The following ACYP2 variants were observed in gnomAD, a reference collection of about 807,000 sequenced individuals.
ACYP2 encodes acylphosphatase-2.
ACYP2 carries 12 observed loss-of-function variants against 11.2 expected under a neutral mutation model. The ratio of observed to expected loss-of-function variants is 1.08; its 90% CI spans 0.69 to 1.74. ACYP2 has a LOEUF of 1.74. Among genes scored for constraint, ACYP2 ranks in the 40% most tolerant of loss-of-function variants. The pLI is 0.00. For missense variants in ACYP2, 134 were observed against 101.9 expected, an observed-to-expected ratio of 1.31 and a Z score of -1.35; for synonymous variants, 43 against 32.2, an observed-to-expected ratio of 1.33 and a Z score of -1.13.
chr2:54,300,736 A>T (rs968767309), intron 6 of ACYP2, among the ~76,000 whole-genome samples: 1 of 152,244 alleles, frequency 6.6e-6, no homozygotes, highest in Non-Finnish European at 1.5e-5. Context: ...GTATGTTTGT[A>T]AGACAAGGAC....
chr2:54,203,738 C>T (rs1010697305), intron 6 of ACYP2, among the ~76,000 whole-genome samples: 2 of 151,362 alleles, frequency 1.3e-5, no homozygotes, highest in African/African-American at 4.8e-5. Flanking sequence ...CCTTTTTCTA[C>T]TAATATGGTA....
At chr2:54,004,653 G>A (rs1382905000) in intron 2 of ACYP2, among the ~76,000 whole-genome samples, 2 of 151,556 alleles carry the variant, frequency 1.3e-5, no homozygotes, top group African/African-American at 2.4e-5. Flanking sequence ...CTTGTGATCG[G>A]CCCGCCTTGG....
intron 2 of ACYP2, among the ~76,000 whole-genome samples, chr2:54,006,181 C>T (rs1673053585): frequency 6.6e-6 from 1 of 152,094 alleles, no homozygotes; most frequent in African/African-American, 2.4e-5. Flanking sequence ...AAGTCTCACT[C>T]TTGTCCCCCA....
chr2:54,127,346 C>T (rs1298505657), intron 4 of ACYP2, among the ~76,000 whole-genome samples: 3 of 152,072 alleles, frequency 2.0e-5, no homozygotes, highest in Admixed American at 6.5e-5. Context: ...ACAACAACAC[C>T]GTTATATGTC....
intron 4 of ACYP2, among the ~76,000 whole-genome samples, chr2:54,111,336 G>A (rs1363258405): frequency 2.6e-5 from 4 of 152,098 alleles, no homozygotes; most frequent in African/African-American, 9.7e-5. Flanking sequence ...CCCATTTTCA[G>A]CTAGGTAGGG....
rs201538398 is a variant in ACYP2 at position 54,120,161 on chromosome 2, CT to C, written c.278-15284del. ...CTGGTTTCTCCACTCTAAAGTTACT[CT>C]TTTTTTTCTCTCTCTCTTTTCATCC... On this transcript the variant is annotated intron_variant, in intron 4 of 6. Transcript: ENST00000607452. Among the ~76,000 whole-genome samples, 36 of 152,192 alleles carry C rather than the reference CT, an allele frequency of 2.4e-4. No homozygotes were observed. In the South Asian group the frequency reaches 4.4e-3, roughly 18 times the overall value.
At chr2:54,103,927 A>T (rs1413887562) in intron 4 of ACYP2, among the ~76,000 whole-genome samples, 2 of 152,144 alleles carry the variant, frequency 1.3e-5, no homozygotes, top group Admixed American at 1.3e-4. Flanking sequence ...CAGGCAGAGG[A>T]AATGCCTGCA....
At chr2:54,120,969 C>T (rs1048265305) in intron 4 of ACYP2, among the ~76,000 whole-genome samples, 6 of 152,300 alleles carry the variant, frequency 3.9e-5, no homozygotes, top group African/African-American at 1.4e-4. Context: ...CGTGTCACAA[C>T]TCATTGGGTC....
intron 2 of ACYP2, among the ~76,000 whole-genome samples, chr2:53,980,392 C>T (rs1348071675): frequency 6.6e-6 from 1 of 150,646 alleles, no homozygotes; most frequent in African/African-American, 2.4e-5. Flanking sequence ...GAAAAAGTTA[C>T]AGTAAGCTAA....
At chr2:54,122,855 C>A (rs1464627653) in intron 4 of ACYP2, among the ~76,000 whole-genome samples, 2 of 152,174 alleles carry the variant, frequency 1.3e-5, no homozygotes, top group African/African-American at 2.4e-5. Flanking sequence ...AGGGGCCCAA[C>A]AAATAACACC....
intron 2 of ACYP2, among the ~76,000 whole-genome samples, chr2:53,974,502 T>C (rs943882580): frequency 6.6e-6 from 1 of 152,172 alleles, no homozygotes; most frequent in African/African-American, 2.4e-5. Flanking sequence ...TTTGAGGAAA[T>C]TGAAGAAGCC....
intron 6 of ACYP2, among the ~76,000 whole-genome samples, chr2:54,176,286 G>A (rs1021689037): frequency 2.0e-5 from 3 of 152,126 alleles, no homozygotes; most frequent in African/African-American, 7.2e-5. Flanking sequence ...GAAAGGGTGT[G>A]CCCTCCACTA....
At chr2:54,141,844 A>G (rs1470083290) in intron 6 of ACYP2, 2 of 552,532 alleles carry the variant, frequency 3.6e-6, no homozygotes, top group African/African-American at 3.7e-5. Flanking sequence ...TTATGTATTT[A>G]TTTATTTTTT....
intron 4 of ACYP2, among the ~76,000 whole-genome samples, chr2:54,103,711 A>T (rs918706109): frequency 6.6e-6 from 1 of 152,200 alleles, no homozygotes; most frequent in Non-Finnish European, 1.5e-5. Flanking sequence ...TGATTTATTT[A>T]TTTGAAAATA....
chr2:54,138,305 T>C (rs1361384010), intron 5 of ACYP2, among the ~76,000 whole-genome samples: 1 of 152,202 alleles, frequency 6.6e-6, no homozygotes, highest in Non-Finnish European at 1.5e-5. Flanking sequence ...TGTAATTTAG[T>C]GTTAGCAGTC....
chr2:54,074,796 G>C (rs1677241300), intron 4 of ACYP2, among the ~76,000 whole-genome samples: 1 of 152,182 alleles, frequency 6.6e-6, no homozygotes, highest in African/African-American at 2.4e-5. Flanking sequence ...TGCACTTGCG[G>C]TCTAAAGGCT....
chr2:54,071,614 C>T (rs1677047384), intron 4 of ACYP2, among the ~76,000 whole-genome samples: 1 of 152,032 alleles, frequency 6.6e-6, no homozygotes, highest in Non-Finnish European at 1.5e-5. Context: ...TACAGGTGTG[C>T]ACCACCACAC....
intron 2 of ACYP2, among the ~76,000 whole-genome samples, chr2:54,010,398 T>G (rs1410645091): frequency 2.0e-5 from 3 of 151,924 alleles, no homozygotes; most frequent in Admixed American, 6.6e-5. Context: ...ATAGGAGAAT[T>G]GCTTGAACCC....
chr2:54,046,276 C>G (rs1174822429), intron 2 of ACYP2, among the ~76,000 whole-genome samples: 2 of 150,330 alleles, frequency 1.3e-5, no homozygotes, highest in South Asian at 4.2e-4. Context: ...GTCAGGAGTT[C>G]GAGACCAGCC....
Sources: gnomAD v4.1 joint callset for allele counts (sites outside exome capture counted in the v4.1 genomes callset) on GRCh38, gnomAD v4.1.1 for gene constraint, MANE v1.5 for transcripts, NCBI Gene and HGNC (gene_info 2026-07-23, HGNC 2026-07-21) for gene names.